Variants in JAG1 observed in about 807,000 individuals in gnomAD.
JAG1 encodes the protein jagged canonical Notch ligand 1.
A neutral mutation model predicts 148.7 loss-of-function variants in JAG1; 23 were observed. The ratio of observed to expected loss-of-function variants is 0.15; its 90% CI spans 0.11 to 0.22. The LOEUF is 0.22. Among genes scored for constraint, JAG1 ranks in the 10% least tolerant of loss-of-function variants. The pLI is 1.00. For missense variants in JAG1, 1,054 were observed against 1,611.2 expected (o/e 0.65, Z 5.92); for synonymous variants, 572 against 598.3 (o/e 0.96, Z 0.64).
rs2122602231 is a variant in JAG1, at chr20:10,644,851, G to A, written c.2344+12C>T. 1.3e-6 allele frequency: 2 copies of A among 1,587,522 alleles called. No homozygotes were observed. Among genetic ancestry groups the A allele is most frequent in the East Asian group, 4.5e-5 (2 of 44,752 alleles). ...ACAGCCCTGGGAGAGTTCAAGGGGG[G>A]AGGACACTCACTCTGAGCACAGATG... On this transcript the variant is annotated intron_variant, in intron 18 of 25. Transcript: ENST00000254958.
chr20:10,672,392 G>A (rs992691707), intron 2 of JAG1, among the ~76,000 whole-genome samples: 3 of 152,214 alleles, frequency 2.0e-5, no homozygotes, highest in African/African-American at 7.2e-5. Context: ...GGGGCCGGGA[G>A]AGTTACTCTG....
chr20:10,640,051 CT>C lies in JAG1; in HGVS notation c.3200-97del, dbSNP rs1197483414. The C allele has an allele frequency of 2.2e-4, 214 of 983,314 alleles. 1 individual carries two copies. Among genetic ancestry groups the C allele is most frequent in the South Asian group, 9.2e-4 (67 of 72,586 alleles). The allele number at this position is 983,314 out of a possible 1,614,324, so 60.9% of individuals were successfully genotyped here. A position where few individuals can be genotyped will look rare whatever the true frequency, so the allele number is the denominator to read the frequency against. ...GAATACCAACAGTGGTTCTCCTGCC[CT>C]TTATCCCTAAGAGGGGGGCCACAGG... On this transcript the variant is annotated intron_variant, in intron 25 of 25. Transcript: ENST00000254958.
In JAG1 at chr20:10,638,574, CTCAG is replaced by C. The variant is rs1393502157; in HGVS notation, c.*920_*923del. 6.6e-6 allele frequency: 1 copy of C among 152,620 alleles called. No homozygotes were observed. The highest frequency in any genetic ancestry group is 1.5e-5 in the Non-Finnish European group (1 of 68,026). The allele number at this position is 152,620 out of a possible 1,614,324, so 9.5% of individuals were successfully genotyped here. On this transcript the variant is annotated 3_prime_UTR_variant, in exon 26 of 26. Coordinates refer to ENST00000254958, the MANE Select transcript of JAG1 (RefSeq NM_000214.3). ...TGTTCTAAACTAATCCTCAAACTGC[CTCAG>C]TCAGTCCTTAAAACGTGTTTTAAGT... is the stretch of plus-strand genomic sequence containing the variant.
intron 14 of JAG1, among the ~76,000 whole-genome samples, 172 bp downstream of exon 14, chr20:10,646,767 G>GTGAGCCGA (rs2067311829): frequency 6.6e-6 from 1 of 152,080 alleles, no homozygotes; most frequent in Admixed American, 6.5e-5. Context: ...CGAGGTTGTG[G>GTGAGCCGA]TGAGCCGAGA....
chr20:10,659,835 T>TA (rs761910003), intron 3 of JAG1, among the ~76,000 whole-genome samples: 21 of 152,182 alleles, frequency 1.4e-4, no homozygotes, highest in Non-Finnish European at 1.2e-4. Context: ...CAGGAGTATG[T>TA]AGTCCCTGCC....
In JAG1 at chr20:10,652,576, G is replaced by A; in HGVS notation, c.778C>T (p.Leu260=). The change falls in exon 6 of 26, where the codon CTG becomes TTG. Residue 260 remains leucine (L), a synonymous_variant. Transcript: ENST00000254958. ...DCRCQYGWQG[L]YCDKCIPHPG... is the part of the protein sequence containing the mutation. Reference sequence around the variant, plus strand: ...TGTGGGATGCACTTATCACAGTACAGGCCTTGCCAGCCGTACTGGCACCTG... The same window carrying A: ...TGTGGGATGCACTTATCACAGTACAAGCCTTGCCAGCCGTACTGGCACCTG... 6.2e-7 allele frequency: 1 copy of A among 1,613,940 alleles called. No homozygotes were observed. The highest frequency in any genetic ancestry group is 1.1e-5 in the South Asian group (1 of 91,072).
intron 25 of JAG1, 65 bp downstream of exon 25, chr20:10,640,718 T>C: frequency 6.5e-7 from 1 of 1,544,066 alleles, no homozygotes; most frequent in Non-Finnish European, 9.0e-7. Context: ...ACCTGATGGC[T>C]TTATTGAATA....
chr20:10,668,092 TAAAAAAA>T (rs58852175), intron 2 of JAG1, among the ~76,000 whole-genome samples: 3 of 107,248 alleles, frequency 2.8e-5, no homozygotes, highest in African/African-American at 1.1e-4. Context: ...ACTGGCACCA[TAAAAAAA>T]AAAAAAAAAA....
intron 25 of JAG1, 26 bp downstream of exon 25, chr20:10,640,757 A>G (rs775812661): frequency 6.2e-7 from 1 of 1,612,584 alleles, no homozygotes; most frequent in Non-Finnish European, 8.5e-7. Flanking sequence ...CTATCATCAC[A>G]CAAACTAGTC....
At position 10,657,385 on chromosome 20, in the gene JAG1, A is replaced by C. The variant is rs114751136; in HGVS notation, c.695-927T>G. Among the ~76,000 whole-genome samples the C allele has an allele frequency of 9.1e-3, 1,381 of 151,500 alleles. 26 individuals are homozygous for C. Among genetic ancestry groups the C allele is most frequent in the African/African-American group, 0.032 (1,316 of 41,396 alleles). On this transcript the variant is annotated intron_variant, in intron 4 of 25. Transcript: ENST00000254958. ...AAAAAACACCAAACAAAAAACCCAC[A>C]CTAAGTGTTAGGTCGTTTAATTTTT...
At position 10,639,419 on chromosome 20, in the gene JAG1, C is replaced by T. The variant is rs2067254460; in HGVS notation, c.*79G>A. ...AGGGATTCTAAGTCAGCAACGGCCT[C>T]AGACTCGAGTATGACACGACAGTTT... On this transcript the variant is annotated 3_prime_UTR_variant, in exon 26 of 26. Transcript: ENST00000254958. 3 of 1,298,418 alleles carry T rather than the reference C, an allele frequency of 2.3e-6. No homozygotes were observed. The highest frequency in any genetic ancestry group is 1.2e-5 in the South Asian group (1 of 84,270). The allele number at this position is 1,298,418 out of a possible 1,614,324, so 80.4% of individuals were successfully genotyped here. A position where few individuals can be genotyped will look rare whatever the true frequency, so the allele number is the denominator to read the frequency against.
intron 12 of JAG1, 58 bp from the exon 13 acceptor site, chr20:10,648,168 C>T (rs972180434): frequency 4.4e-6 from 7 of 1,601,578 alleles, no homozygotes; most frequent in African/African-American, 4.0e-5. Flanking sequence ...AAAGGTGTCA[C>T]GATAACTTCT....
chr20:10,657,286 G>A (rs948663390), intron 4 of JAG1, among the ~76,000 whole-genome samples: 1 of 151,128 alleles, frequency 6.6e-6, no homozygotes, highest in Non-Finnish European at 1.5e-5. Context: ...CTTGAACCCA[G>A]GAGTTCAAGG....
At chr20:10,663,848 G>A (rs2122631933) in intron 3 of JAG1, 115 bp downstream of exon 3, 1 of 821,762 alleles carries the variant, frequency 1.2e-6, no homozygotes, top group African/African-American at 1.7e-5. Flanking sequence ...GAGAACAGAA[G>A]GCAAGAGGTG....
At position 10,651,582 on chromosome 20, in the gene JAG1, T is replaced by G. The variant is rs762382192; in HGVS notation, c.1119A>C (p.Thr373=). 6.2e-7 allele frequency: 1 copy of G among 1,606,044 alleles called. No homozygotes were observed. Among genetic ancestry groups the G allele is most frequent in the Non-Finnish European group, 8.5e-7 (1 of 1,172,994 alleles). Residue 373 remains threonine, a splice_region_variant and synonymous_variant, in exon 8 of 26, where the codon ACA becomes ACC. Coordinates refer to ENST00000254958, the MANE Select transcript of JAG1 (RefSeq NM_000214.3). The part of the protein sequence containing the change: ...SPGWTGPTCS[T]NIDDCSPNNC... ...ACACAGGCTGAAAATTGGACTTACT[T>G]GTAGAGCATGTGGGGCCGGTCCAGC...
At chr20:10,646,523 C>T (rs2067309677) in intron 14 of JAG1, among the ~76,000 whole-genome samples, 1 of 151,806 alleles carries the variant, frequency 6.6e-6, no homozygotes, top group Non-Finnish European at 1.5e-5. Context: ...TTCAACACTG[C>T]TGGGCATGGT....
Position 10,639,432 on chromosome 20 carries a change from G to A in JAG1, c.*66C>T. ...CAGCAACGGCCTCAGACTCGAGTATGACACGACAGTTTAAAGAACTACAAG... is the reference window on the plus strand; with the variant it reads ...CAGCAACGGCCTCAGACTCGAGTATAACACGACAGTTTAAAGAACTACAAG... On this transcript the variant is annotated 3_prime_UTR_variant, in exon 26 of 26. Transcript: ENST00000254958. 7.1e-7 allele frequency: 1 copy of A among 1,398,798 alleles called. No homozygotes were observed. Among genetic ancestry groups the A allele is most frequent in the Non-Finnish European group, 1.0e-6 (1 of 983,704 alleles). The allele number at this position is 1,398,798 out of a possible 1,614,324, so 86.6% of individuals were successfully genotyped here.
At chr20:10,656,527 G>T (rs2122620645) in intron 4 of JAG1, 69 bp from the exon 5 acceptor site, 7 of 1,317,050 alleles carry the variant, frequency 5.3e-6, no homozygotes, top group Non-Finnish European at 7.7e-6. Context: ...CATGAGAATG[G>T]CCCATTGCAT....
intron 10 of JAG1, 75 bp downstream of exon 10, chr20:10,649,447 C>T (rs1335021256): frequency 1.1e-6 from 1 of 902,620 alleles, no homozygotes; most frequent in African/African-American, 1.6e-5. Context: ...AGTCCTAGGA[C>T]TGGAGCCCCA....
Sources: allele counts gnomAD v4.1 joint callset (sites outside exome capture counted in the v4.1 genomes callset), GRCh38; gene constraint gnomAD v4.1.1; transcripts MANE v1.5; gene names NCBI Gene and HGNC (gene_info 2026-07-23, HGNC 2026-07-21).